MACROH2A1: variants seen among roughly 807,000 people sequenced by gnomAD.
The protein encoded by MACROH2A1 is macroH2A.1 histone, also known as core histone macro-H2A.1.
A neutral mutation model predicts 31.6 loss-of-function variants in MACROH2A1; 2 were observed. The ratio of observed to expected loss-of-function variants is 0.06; its 90% CI spans 0.03 to 0.20. MACROH2A1 has a LOEUF of 0.20. MACROH2A1 is among the 10% of genes least tolerant of loss of function. The pLI is 1.00. For missense variants in MACROH2A1, 230 were observed against 474.0 expected (o/e 0.49, Z 4.78); for synonymous variants, 169 against 189.6 (o/e 0.89, Z 0.89).
rs115035883 is a variant in MACROH2A1 at position 135,381,345 on chromosome 5, T to C, written c.172+7577A>G. 8.8e-3 allele frequency among the ~76,000 whole-genome samples: 1,333 copies of C among 152,122 alleles called. 25 individuals are homozygous for C. The highest frequency in any genetic ancestry group is 0.031 in the African/African-American group (1,290 of 41,498). Reference sequence around the variant, plus strand: ...ACAATGATTCAAAATTCAGCAGAAATAGATGCAAAGACTCCATATATTAGA... The same window carrying C: ...ACAATGATTCAAAATTCAGCAGAAACAGATGCAAAGACTCCATATATTAGA... On this transcript the variant is annotated intron_variant, in intron 2 of 8. Coordinates refer to ENST00000511689, the MANE Select transcript of MACROH2A1 (RefSeq NM_138610.3).
chr5:135,389,703 G>A (rs941254543), intron 1 of MACROH2A1, among the ~76,000 whole-genome samples: 1 of 152,178 alleles, frequency 6.6e-6, no homozygotes, highest in South Asian at 2.1e-4. Context: ...AGAGAGAGGT[G>A]TTTTTTCCTT....
intron 2 of MACROH2A1, among the ~76,000 whole-genome samples, chr5:135,372,248 T>TA (rs1561633101): frequency 6.6e-6 from 1 of 152,134 alleles, no homozygotes; most frequent in Non-Finnish European, 1.5e-5. Flanking sequence ...CAGAGAGTGA[T>TA]AAAGAATGCC....
At chr5:135,392,955 C>T (rs541281027) in intron 1 of MACROH2A1, among the ~76,000 whole-genome samples, 2 of 152,314 alleles carry the variant, frequency 1.3e-5, no homozygotes, top group Non-Finnish European at 2.9e-5. Flanking sequence ...TGGGCAAGTT[C>T]TCAGTAGTTA....
chr5:135,373,077 C>T (rs1764389855), intron 2 of MACROH2A1, among the ~76,000 whole-genome samples: 1 of 152,152 alleles, frequency 6.6e-6, no homozygotes, highest in South Asian at 2.1e-4. Flanking sequence ...GTCCTAAGCC[C>T]AACCCTTTGG....
chr5:135,335,022 C>T lies in MACROH2A1; in HGVS notation c.1073G>A (p.Ser358Asn). ...TVYFVLFDSE[S>N]IGIYVQEMAK... is the part of the protein sequence containing the mutation. ...CATTTCCTGCACATAGATGCCTATA[C>T]TCTCGCTGTCAAAAAGCACGAAGTA... The change falls in exon 9 of 9, where the codon AGT becomes AAT. Residue 358 changes from serine to asparagine, a missense_variant. Physicochemically the swap from Ser to Asn is conservative, Grantham distance 46. Coordinates refer to ENST00000511689, the MANE Select transcript of MACROH2A1 (RefSeq NM_138610.3). The T allele has an allele frequency of 6.2e-7, 1 of 1,614,096 alleles. No individual in the cohort carries two copies. The highest frequency in any genetic ancestry group is 8.5e-7 in the Non-Finnish European group (1 of 1,179,966).
rs1378085774 is a variant in MACROH2A1 at position 135,398,908 on chromosome 5, G to T, written c.-34+154C>A. Among the ~76,000 whole-genome samples the T allele has an allele frequency of 6.7e-6, 1 of 148,792 alleles. No individual in the cohort carries two copies. The highest frequency in any genetic ancestry group is 2.5e-5 in the African/African-American group (1 of 40,292). ...AGGCCTGGGAGGACGTAGTGCACGC[G>T]CGAGGACCCGGCGTGGGCCACACCG... On this transcript the variant is annotated intron_variant, in intron 1 of 8. Coordinates refer to ENST00000511689, the MANE Select transcript of MACROH2A1 (RefSeq NM_138610.3). The surrounding 1 kb of genome is among the most constrained non-coding windows in gnomAD (Gnocchi z 4.6).
intron 8 of MACROH2A1, among the ~76,000 whole-genome samples, chr5:135,342,610 C>T (rs943677393): frequency 6.6e-6 from 1 of 152,154 alleles, no homozygotes; most frequent in Non-Finnish European, 1.5e-5. Flanking sequence ...GTCGTGAAGA[C>T]CTTGGTGAGT....
chr5:135,389,522 G>A (rs1766906645), intron 1 of MACROH2A1, among the ~76,000 whole-genome samples: 1 of 152,178 alleles, frequency 6.6e-6, no homozygotes, highest in African/African-American at 2.4e-5. Context: ...AAAAGATGAT[G>A]TAAAGGCAGA....
chr5:135,354,158 G>A (rs1761909477), intron 5 of MACROH2A1: 1 of 152,274 alleles, frequency 6.6e-6, no homozygotes, highest in African/African-American at 2.4e-5. Flanking sequence ...CAGGGCATGA[G>A]GCTTTGTCCA....
At chr5:135,388,857 T>G in intron 2 of MACROH2A1, 65 bp downstream of exon 2, 1 of 1,349,688 alleles carries the variant, frequency 7.4e-7, no homozygotes, top group Non-Finnish European at 1.0e-6. Flanking sequence ...AAGTGGTCTT[T>G]GGAGAACTAT....
intron 4 of MACROH2A1, among the ~76,000 whole-genome samples, chr5:135,368,225 A>T (rs1019701062): frequency 6.6e-6 from 1 of 152,240 alleles, no homozygotes; most frequent in African/African-American, 2.4e-5. Flanking sequence ...GGTTCACAGA[A>T]GATGTCCCTG....
chr5:135,355,148 T>C (rs1040559642), intron 5 of MACROH2A1: 1 of 455,986 alleles, frequency 2.2e-6, no homozygotes, highest in Admixed American at 2.3e-5. Flanking sequence ...GTGGCCTGTA[T>C]CTGACTCTCT....
intron 6 of MACROH2A1, chr5:135,346,962 A>T (rs1760920148): frequency 6.6e-6 from 1 of 152,226 alleles, no homozygotes; most frequent in Non-Finnish European, 1.5e-5. Context: ...TAGCAACAAG[A>T]TCAGCCTTTC....
intron 2 of MACROH2A1, among the ~76,000 whole-genome samples, chr5:135,376,444 T>C (rs1333613447): frequency 6.6e-6 from 1 of 152,226 alleles, no homozygotes; most frequent in Non-Finnish European, 1.5e-5. Flanking sequence ...AGGGGAGCTA[T>C]GATTCTTAGC....
chr5:135,370,084 T>G lies in MACROH2A1; in HGVS notation c.231A>C (p.Thr77=), dbSNP rs1763987113. 6.2e-7 allele frequency: 1 copy of G among 1,613,826 alleles called. No individual in the cohort carries two copies. Among genetic ancestry groups the G allele is most frequent in the Non-Finnish European group, 8.5e-7 (1 of 1,179,866 alleles). ...AARDNKKGRV[T]PRHILLAVAN... ...CCACAGCCAGCAGGATGTGCCGGGG[T>G]GTGACCCGTCCCTTCTTGTTGTCTC... The change falls in exon 3 of 9, where the codon ACA becomes ACC. Residue 77 remains threonine, a synonymous_variant. Transcript: ENST00000511689.
At chr5:135,379,746 A>G (rs898839681) in intron 2 of MACROH2A1, among the ~76,000 whole-genome samples, 6 of 152,180 alleles carry the variant, frequency 3.9e-5, no homozygotes, top group Admixed American at 3.9e-4. Context: ...TTTCAGTGAC[A>G]AAGTGTTAAT....
At chr5:135,351,140 C>A in intron 6 of MACROH2A1, 1 of 417,162 alleles carries the variant, frequency 2.4e-6, no homozygotes, top group Non-Finnish European at 4.3e-6. Flanking sequence ...AATGAGAAGT[C>A]CAAAAAAAGA....
intron 4 of MACROH2A1, among the ~76,000 whole-genome samples, chr5:135,364,426 A>T (rs78549511): frequency 0.023 from 3,345 of 147,956 alleles, 122 homozygotes; most frequent in African/African-American, 0.082. Context: ...AAAGTATAAT[A>T]AAAAAAAATG....
At chr5:135,375,983 G>A (rs1303055102) in intron 2 of MACROH2A1, among the ~76,000 whole-genome samples, 1 of 152,118 alleles carries the variant, frequency 6.6e-6, no homozygotes, top group African/African-American at 2.4e-5. Context: ...CTGAGTGTTT[G>A]CAGCCGCATC....
Sources: allele counts gnomAD v4.1 joint callset (sites outside exome capture counted in the v4.1 genomes callset), GRCh38; gene constraint gnomAD v4.1.1; non-coding constraint Gnocchi (gnomAD v3.1); transcripts MANE v1.5; gene names NCBI Gene and HGNC (gene_info 2026-07-23, HGNC 2026-07-21).